The following USP47 variants were observed in gnomAD, a reference collection of about 807,000 sequenced individuals.
USP47 encodes the protein ubiquitin carboxyl-terminal hydrolase 47.
A neutral mutation model predicts 165.1 loss-of-function variants in USP47; 35 were observed. The observed-to-expected ratio is 0.21, with a 90% CI of 0.16 to 0.28. The LOEUF is 0.28. Among genes scored for constraint, USP47 ranks in the 10% least tolerant of loss-of-function variants. The probability of loss-of-function intolerance (pLI) is 1.00; values close to 1 mark genes in which losing one functional copy is unlikely to be tolerated. For synonymous variants in USP47, 531 were observed against 544.5 expected (o/e 0.98, Z 0.35); for missense variants, 1,277 against 1,607.4 (o/e 0.79, Z 3.52).
rs931800027 is a variant in USP47 at position 11,959,519 on chromosome 11, A to G, written c.*3344A>G. Among the ~76,000 whole-genome samples the G allele has an allele frequency of 1.3e-5, 2 of 152,192 alleles. No individual in the cohort carries two copies. Among genetic ancestry groups the G allele is most frequent in the Non-Finnish European group, 2.9e-5 (2 of 68,024 alleles). ...TTGTGGCCACCTAGGTTTAGTGTAC[A>G]TGAAATTGGAAGATGCTTCTTGATT... On this transcript the variant is annotated 3_prime_UTR_variant, in exon 28 of 28. Transcript: ENST00000527733.
chr11:11,923,799 G>T (rs1255111936), intron 11 of USP47, among the ~76,000 whole-genome samples: 1 of 152,228 alleles, frequency 6.6e-6, no homozygotes, highest in Middle Eastern at 3.4e-3. Flanking sequence ...TTTCATTCAG[G>T]GCAGACAGTT....
chr11:11,864,490 A>G lies in USP47; in HGVS notation c.40-15687A>G, dbSNP rs561154979. Among the ~76,000 whole-genome samples, 4 of 152,136 alleles carry G rather than the reference A, an allele frequency of 2.6e-5. No individual in the cohort carries two copies. In the South Asian group the frequency reaches 8.3e-4, roughly 32 times the overall value. On this transcript the variant is annotated intron_variant, in intron 1 of 27. Transcript: ENST00000527733. Reference sequence around the variant, plus strand: ...ATCATCTATCCACAGAACTCTTTTCATCTTACAAAACTGAAACCATGTACC... The same window carrying G: ...ATCATCTATCCACAGAACTCTTTTCGTCTTACAAAACTGAAACCATGTACC...
chr11:11,917,817 GAGAT>G lies in USP47; in HGVS notation c.970-2336_970-2333del, dbSNP rs1369772029. Among the ~76,000 whole-genome samples the G allele has an allele frequency of 5.9e-5, 9 of 152,296 alleles. No homozygotes were observed. In the South Asian group the frequency reaches 1.5e-3, roughly 25 times the overall value. On this transcript the variant is annotated intron_variant, in intron 8 of 27. Coordinates refer to ENST00000527733, the MANE Select transcript of USP47 (RefSeq NM_001282659.2). ...ACACAGTAATTACACAGTAGTGACT[GAGAT>G]AGGACCAAGCATACCAGTCATATCA...
chr11:11,880,822 A>G (rs1294915022), intron 2 of USP47, among the ~76,000 whole-genome samples: 1 of 152,136 alleles, frequency 6.6e-6, no homozygotes, highest in Non-Finnish European at 1.5e-5. Flanking sequence ...AACCAAGATT[A>G]TCTCTAGCTG....
chr11:11,937,389 G>A (rs1211178600), intron 17 of USP47, among the ~76,000 whole-genome samples: 1 of 151,658 alleles, frequency 6.6e-6, no homozygotes, highest in Non-Finnish European at 1.5e-5. Flanking sequence ...GTTCTTCTGT[G>A]GATCCTGTAT....
intron 4 of USP47, among the ~76,000 whole-genome samples, chr11:11,895,246 GTAA>G (rs1404445502): frequency 6.6e-6 from 1 of 152,076 alleles, no homozygotes; most frequent in African/African-American, 2.4e-5. Flanking sequence ...ACATTGCCAT[GTAA>G]TCATAGTCTT....
At position 11,948,570 on chromosome 11, in the gene USP47, G is replaced by A. The variant is rs372099492; in HGVS notation, c.3348+12G>A. ...TCAATGAACAAGAGGTAAGTAATAC[G>A]TTTAAGAATAATATAAGGTTACTTT... On this transcript the variant is annotated intron_variant, in intron 22 of 27. Transcript: ENST00000527733. The A allele has an allele frequency of 7.0e-6, 11 of 1,572,228 alleles. No homozygotes were observed. Among genetic ancestry groups the A allele is most frequent in the Admixed American group, 1.7e-5 (1 of 59,528 alleles).
intron 1 of USP47, among the ~76,000 whole-genome samples, chr11:11,853,391 A>G (rs537825030): frequency 6.6e-6 from 1 of 152,352 alleles, no homozygotes; most frequent in African/African-American, 2.4e-5. Context: ...TTCAAATCTA[A>G]CATACAGACA....
chr11:11,920,885 G>C (rs1853787268), intron 10 of USP47, among the ~76,000 whole-genome samples: 2 of 151,834 alleles, frequency 1.3e-5, no homozygotes, highest in South Asian at 4.1e-4. Context: ...CAATGCCTAT[G>C]ATGGAATGAA....
chr11:11,956,159 A>T lies in USP47; in HGVS notation c.4052A>T (p.Asp1351Val). Residue 1351 changes from aspartate (D) to valine (V), a missense_variant, in exon 28 of 28, where the codon GAT (aspartate) becomes GTT (valine). Around this residue, in one of 4 missense-constraint regions of USP47, gnomAD observed 909 missense variants for 1,068.1 expected, o/e 0.85. Coordinates refer to ENST00000527733, the MANE Select transcript of USP47 (RefSeq NM_001282659.2). ...TATCTGGATGGAGCACCAAATAAAG[A>T]TCTGACTCAAGACTGACTCTGATAG... Reference protein sequence around the residue: ...KIYLDGAPNKDLTQD With the variant: ...KIYLDGAPNKVLTQD 6.2e-7 allele frequency: 1 copy of T among 1,614,074 alleles called. No homozygotes were observed. The highest frequency in any genetic ancestry group is 8.5e-7 in the Non-Finnish European group (1 of 1,179,978).
intron 1 of USP47, among the ~76,000 whole-genome samples, chr11:11,846,584 A>G (rs187668993): frequency 3.9e-5 from 6 of 152,142 alleles, no homozygotes; most frequent in Admixed American, 3.9e-4. Context: ...GCATCTAATG[A>G]TGATGATGAT....
At chr11:11,872,912 A>G (rs181141271) in intron 1 of USP47, among the ~76,000 whole-genome samples, 1 of 152,340 alleles carries the variant, frequency 6.6e-6, no homozygotes, top group African/African-American at 2.4e-5. Flanking sequence ...ATAATGGAAC[A>G]CTGCAGTTTT....
chr11:11,874,455 A>G (rs1224482793), intron 1 of USP47, among the ~76,000 whole-genome samples: 2 of 151,856 alleles, frequency 1.3e-5, no homozygotes, highest in Non-Finnish European at 2.9e-5. Flanking sequence ...TGAAGGGAGT[A>G]TCTTAAAAAT....
intron 25 of USP47, among the ~76,000 whole-genome samples, chr11:11,953,241 G>C (rs937134584): frequency 6.6e-6 from 1 of 152,168 alleles, no homozygotes; most frequent in African/African-American, 2.4e-5. Context: ...AGAGAATCCA[G>C]ATGAAGGTCT....
chr11:11,924,824 G>A (rs1043053868), intron 11 of USP47, among the ~76,000 whole-genome samples: 3 of 151,600 alleles, frequency 2.0e-5, no homozygotes, highest in African/African-American at 7.3e-5. Flanking sequence ...CTTTCATTTC[G>A]GATACTGGCA....
intron 5 of USP47, 142 bp from the exon 6 acceptor site, chr11:11,902,573 G>A: frequency 3.8e-6 from 2 of 530,468 alleles, no homozygotes; most frequent in South Asian, 1.5e-4. Flanking sequence ...TGTTTCATTA[G>A]ATATTATTAG....
At chr11:11,904,557 T>C (rs1852427503) in intron 7 of USP47, among the ~76,000 whole-genome samples, 1 of 152,178 alleles carries the variant, frequency 6.6e-6, no homozygotes, top group African/African-American at 2.4e-5. Flanking sequence ...TCTTCATAGA[T>C]CTGAAGTTAC....
intron 5 of USP47, among the ~76,000 whole-genome samples, chr11:11,902,221 T>C (rs1305549588): frequency 6.6e-6 from 1 of 152,210 alleles, no homozygotes; most frequent in Non-Finnish European, 1.5e-5. Flanking sequence ...AATAAAATTC[T>C]TAATCTATTT....
intron 5 of USP47, among the ~76,000 whole-genome samples, chr11:11,899,879 A>G (rs767266266): frequency 1.3e-5 from 2 of 152,136 alleles, no homozygotes; most frequent in Admixed American, 6.5e-5. Context: ...ATGTAGAACT[A>G]AGAACCTCAT....
Sources: gnomAD v4.1 joint callset for allele counts (sites outside exome capture counted in the v4.1 genomes callset) on GRCh38, gnomAD v4.1.1 for gene constraint, gnomAD v4.1.1 regional missense constraint, MANE v1.5 for transcripts, NCBI Gene and HGNC (gene_info 2026-07-23, HGNC 2026-07-21) for gene names.